CHCHD3: variants seen among roughly 807,000 people sequenced by gnomAD.
CHCHD3 encodes coiled-coil-helix-coiled-coil-helix domain containing 3.
In CHCHD3, 20 loss-of-function variants were observed where a neutral mutation model predicts 38.2. The ratio of observed to expected loss-of-function variants is 0.52; its 90% CI spans 0.37 to 0.76. The LOEUF is 0.76. Among genes scored for constraint, CHCHD3 ranks in the 30% least tolerant of loss-of-function variants. The pLI is 0.00. For missense variants in CHCHD3, 245 were observed against 279.2 expected, an observed-to-expected ratio of 0.88 and a Z score of 0.87; for synonymous variants, 82 against 100.0, an observed-to-expected ratio of 0.82 and a Z score of 1.07.
chr7:133,035,115 G>A lies in CHCHD3; in HGVS notation c.170-10488C>T, dbSNP rs778853270. 2.5e-6 allele frequency: 4 copies of A among 1,613,652 alleles called. No homozygotes were observed. The highest frequency in any genetic ancestry group is 1.1e-5 in the South Asian group (1 of 91,078). ...CTTGGCCTTGGGCTCAGCAGCCAGC[G>A]CCTGCTCACATTCATCCATCTCCTC... On this transcript the variant is annotated intron_variant, in intron 2 of 7. Transcript: ENST00000262570. The surrounding 1 kb of genome is among the most constrained non-coding windows in gnomAD (Gnocchi z 4.7).
In CHCHD3 at chr7:132,914,121, G is replaced by GGTGTGTGTGTGT. The variant is rs1234351482; in HGVS notation, c.370-28377_370-28376insACACACACACAC. On this transcript the variant is annotated intron_variant, in intron 4 of 7. Transcript: ENST00000262570. ...ATTACAGATGCCCACCACCATGCCT[G>GGTGTGTGTGTGT]GCGTGTGTGTGTGTGTGTGTGTGTG... Among the ~76,000 whole-genome samples, 81 of 114,016 alleles carry GGTGTGTGTGTGT rather than the reference G, an allele frequency of 7.1e-4. 2 individuals carry two copies. The highest frequency in any genetic ancestry group is 2.7e-3 in the African/African-American group (76 of 28,304). The allele number at this position is 114,016 out of a possible 152,430, so 74.8% of individuals were successfully genotyped here. A position where few individuals can be genotyped will look rare whatever the true frequency, so the allele number is the denominator to read the frequency against.
chr7:132,796,444 G>C lies in CHCHD3; in HGVS notation c.658C>G (p.Gln220Glu), dbSNP rs1654647462. The change falls in exon 7 of 8, where the codon CAG becomes GAG. Residue 220 changes from glutamine (Q) to glutamate (E), a missense_variant and splice_region_variant. Coordinates refer to ENST00000262570, the MANE Select transcript of CHCHD3 (RefSeq NM_017812.4). ...AGTGGCCTGGCTGGCACACCTACCT[G>C]TTTGGCATGATTGACACAGTGCATA... ...QYMHCVNHAK[Q>E]SMLEKGG 2 of 1,613,750 alleles carry C rather than the reference G, an allele frequency of 1.2e-6. No individual in the cohort carries two copies. Among genetic ancestry groups the C allele is most frequent in the Non-Finnish European group, 1.7e-6 (2 of 1,179,722 alleles).
intron 3 of CHCHD3, among the ~76,000 whole-genome samples, chr7:132,983,906 T>C (rs1212124670): frequency 6.6e-6 from 1 of 152,088 alleles, no homozygotes; most frequent in Non-Finnish European, 1.5e-5. Flanking sequence ...CCAAAACCCC[T>C]GCATGTTTTG....
At chr7:132,956,643 C>T (rs534971688) in intron 4 of CHCHD3, among the ~76,000 whole-genome samples, 1 of 152,290 alleles carries the variant, frequency 6.6e-6, no homozygotes, top group South Asian at 2.1e-4. Context: ...ATTTCTGCCT[C>T]TTTGTTTCAA....
chr7:133,081,990 G>C lies in CHCHD3; in HGVS notation c.-53C>G. ...CTAGCGGGGAACCACGAGCACTTCG[G>C]GGCCCCCGCACCCACACGCGCGTGG... On this transcript the variant is annotated 5_prime_UTR_variant, in exon 1 of 8. Transcript: ENST00000262570. 2.7e-6 allele frequency: 4 copies of C among 1,469,388 alleles called. No homozygotes were observed. Among genetic ancestry groups the C allele is most frequent in the Non-Finnish European group, 3.6e-6 (4 of 1,097,242 alleles). 91.0% of individuals were successfully genotyped at this position (1,469,388 alleles called of 1,614,324 possible). A position where few individuals can be genotyped will look rare whatever the true frequency, so the allele number is the denominator to read the frequency against.
At chr7:132,974,514 G>A (rs190732684) in intron 4 of CHCHD3, among the ~76,000 whole-genome samples, 6 of 152,134 alleles carry the variant, frequency 3.9e-5, no homozygotes, top group East Asian at 3.9e-4. Flanking sequence ...TGCCAGCCAC[G>A]AGAGAAAGAA....
chr7:133,018,926 C>T (rs1813101757), intron 3 of CHCHD3, among the ~76,000 whole-genome samples: 1 of 126,278 alleles, frequency 7.9e-6, no homozygotes, highest in South Asian at 2.4e-4. Context: ...TCTTATTGCC[C>T]AGGCTGGAGT....
chr7:132,960,505 C>A (rs1212005988), intron 4 of CHCHD3, among the ~76,000 whole-genome samples: 1 of 152,116 alleles, frequency 6.6e-6, no homozygotes, highest in Non-Finnish European at 1.5e-5. Flanking sequence ...AAGTAATAAT[C>A]AGTTTGAAGC....
rs185555219 is a variant in CHCHD3 at position 133,067,586 on chromosome 7, T to C, written c.169+2556A>G. ...AGCTAGATGTGCTCACTGTATGCAGTGGTATTTATATGCAAGACCCGAGTG... is the reference window on the plus strand; with the variant it reads ...AGCTAGATGTGCTCACTGTATGCAGCGGTATTTATATGCAAGACCCGAGTG... On this transcript the variant is annotated intron_variant, in intron 2 of 7. Transcript: ENST00000262570. 6.6e-5 allele frequency among the ~76,000 whole-genome samples: 10 copies of C among 152,354 alleles called. No homozygotes were observed. The East Asian group carries it at 1.9e-3, about 29-fold the overall frequency.
At chr7:132,875,330 A>G (rs1808869159) in intron 5 of CHCHD3, among the ~76,000 whole-genome samples, 1 of 152,152 alleles carries the variant, frequency 6.6e-6, no homozygotes, top group African/African-American at 2.4e-5. Flanking sequence ...TTTTAAAAAA[A>G]TTTATCCAAG....
intron 4 of CHCHD3, among the ~76,000 whole-genome samples, chr7:132,905,781 C>T (rs1475145507): frequency 1.8e-4 from 28 of 152,186 alleles, no homozygotes; most frequent in Non-Finnish European, 1.5e-5. Flanking sequence ...TGATCATCTG[C>T]AGAGCTTCTA....
At chr7:132,962,221 C>CT (rs931391796) in intron 4 of CHCHD3, among the ~76,000 whole-genome samples, 2 of 152,072 alleles carry the variant, frequency 1.3e-5, no homozygotes, top group African/African-American at 2.4e-5. Context: ...CTAAAATGGA[C>CT]TTTTTTAATA....
chr7:132,838,864 T>C (rs186683608), intron 5 of CHCHD3, among the ~76,000 whole-genome samples: 1 of 152,284 alleles, frequency 6.6e-6, no homozygotes, highest in Admixed American at 6.5e-5. Flanking sequence ...TTGGTGTTCC[T>C]ACTAGGATAT....
Position 133,035,368 on chromosome 7 carries a change from G to C in CHCHD3, c.170-10741C>G. On this transcript the variant is annotated intron_variant, in intron 2 of 7. Transcript: ENST00000262570. The surrounding 1 kb of genome is among the most constrained non-coding windows in gnomAD (Gnocchi z 4.7). The stretch of plus-strand genomic sequence containing the variant: ...GTGAGGAACCAGCGGTTGGTATTGC[G>C]AAAGGCCCGGCGGAAAGAAGGCTCT... 1 of 1,613,100 alleles carries C rather than the reference G, an allele frequency of 6.2e-7. No homozygotes were observed. Among genetic ancestry groups the C allele is most frequent in the Non-Finnish European group, 8.5e-7 (1 of 1,179,116 alleles).
chr7:132,807,647 T>C (rs1585532095), intron 6 of CHCHD3, among the ~76,000 whole-genome samples: 1 of 94,052 alleles, frequency 1.1e-5, no homozygotes, highest in Non-Finnish European at 2.4e-5. Flanking sequence ...ATATATATAC[T>C]TGACATAAAT....
chr7:132,793,870 C>G (rs998690007), intron 7 of CHCHD3, among the ~76,000 whole-genome samples: 1 of 152,184 alleles, frequency 6.6e-6, no homozygotes, highest in Admixed American at 6.5e-5. Flanking sequence ...GAAGTTGGCC[C>G]ATGAGGAACT....
intron 3 of CHCHD3, among the ~76,000 whole-genome samples, chr7:132,981,872 C>T (rs1447117517): frequency 1.3e-5 from 2 of 152,012 alleles, no homozygotes; most frequent in Non-Finnish European, 1.5e-5. Context: ...GAACCGTGAC[C>T]GTTATACATA....
intron 4 of CHCHD3, among the ~76,000 whole-genome samples, chr7:132,920,700 G>A (rs1810238679): frequency 6.6e-6 from 1 of 152,242 alleles, no homozygotes; most frequent in South Asian, 2.1e-4. Flanking sequence ...ACAAGTTCAG[G>A]TGCTTGGTAC....
intron 3 of CHCHD3, chr7:133,022,396 C>T (rs1248165352): frequency 2.2e-6 from 1 of 456,474 alleles, no homozygotes; most frequent in Non-Finnish European, 4.4e-6. Flanking sequence ...TCAATTCAGG[C>T]AATACATACA....
Sources: allele counts gnomAD v4.1 joint callset (sites outside exome capture counted in the v4.1 genomes callset), GRCh38; gene constraint gnomAD v4.1.1; non-coding constraint Gnocchi (gnomAD v3.1); transcripts MANE v1.5; gene names NCBI Gene and HGNC (gene_info 2026-07-23, HGNC 2026-07-21).